TTLL7: variants seen among roughly 807,000 people sequenced by gnomAD.
The protein encoded by TTLL7 is tubulin tyrosine ligase like 7.
A neutral mutation model predicts 120.2 loss-of-function variants in TTLL7; 53 were observed. The ratio of observed to expected loss-of-function variants is 0.44; its 90% CI spans 0.35 to 0.55. The LOEUF (loss-of-function observed/expected upper bound fraction) is 0.55, where lower values mean the gene tolerates loss of function less well. Ranked by LOEUF, TTLL7 falls within the 20% of genes least tolerant of loss-of-function variation. TTLL7 has a pLI of 0.00. For missense variants in TTLL7, 803 were observed against 1,054.7 expected (o/e 0.76, Z 3.31); for synonymous variants, 353 against 351.7 (o/e 1.00, Z -0.04).
intron 7 of TTLL7, among the ~76,000 whole-genome samples, chr1:83,940,018 A>C (rs924222555): frequency 3.9e-5 from 6 of 152,122 alleles, no homozygotes; most frequent in African/African-American, 1.4e-4. Context: ...AAATTCAATC[A>C]TGAAATTCTA....
intron 9 of TTLL7, among the ~76,000 whole-genome samples, chr1:83,930,089 G>A (rs559568838): frequency 1.3e-5 from 2 of 152,048 alleles, no homozygotes; most frequent in Non-Finnish European, 2.9e-5. Flanking sequence ...CAGGTTCACC[G>A]CAGAAAAATA....
chr1:83,987,099 T>G (rs1652532370), intron 1 of TTLL7, among the ~76,000 whole-genome samples: 1 of 151,828 alleles, frequency 6.6e-6, no homozygotes, highest in Non-Finnish European at 1.5e-5. Flanking sequence ...GAAATGAAAA[T>G]TTAAAACATA....
rs1045455935 is a variant in TTLL7 at position 83,929,140 on chromosome 1, T to C, written c.1138A>G (p.Ile380Val). 3 of 1,604,924 alleles carry C rather than the reference T, an allele frequency of 1.9e-6. No homozygotes were observed. The highest frequency in any genetic ancestry group is 2.2e-5 in the South Asian group (2 of 90,398). ...VLLNALKLLN[I>V]RTSDKRRNLA... The stretch of plus-strand genomic sequence containing the variant: ...AAGATAGAGAGAGTATTTTACCTTA[T>C]GTTTAGTAGCTTCAACGCATTTAGC... The change falls in exon 10 of 21, where the codon ATA (isoleucine) becomes GTA (valine). Residue 380 changes from isoleucine to valine, a missense_variant. Ile to Val is a conservative substitution (Grantham distance 29). This residue lies in a region of TTLL7 where 324 missense variants were observed against 507.7 expected (regional missense o/e 0.64). Coordinates refer to ENST00000260505, the MANE Select transcript of TTLL7 (RefSeq NM_024686.6).
At chr1:83,907,797 A>C (rs1657331086) in intron 15 of TTLL7, 136 bp from the exon 16 acceptor site, 2 of 738,750 alleles carry the variant, frequency 2.7e-6, no homozygotes, top group African/African-American at 3.5e-5. Context: ...AGGCATCATC[A>C]TGAGAATATG....
At chr1:83,904,625 A>G (rs930335073) in intron 17 of TTLL7, among the ~76,000 whole-genome samples, 1 of 152,078 alleles carries the variant, frequency 6.6e-6, no homozygotes, top group Admixed American at 6.6e-5. Context: ...ACAGAATGAG[A>G]CTCTGTCTCA....
chr1:83,927,979 T>G (rs1269370228), intron 10 of TTLL7, among the ~76,000 whole-genome samples: 1 of 152,188 alleles, frequency 6.6e-6, no homozygotes, highest in African/African-American at 2.4e-5. Flanking sequence ...CTAAATTCTC[T>G]GTGGAACAAC....
At chr1:83,989,490 T>A (rs190660478) in intron 1 of TTLL7, among the ~76,000 whole-genome samples, 67 of 152,250 alleles carry the variant, frequency 4.4e-4, no homozygotes, top group African/African-American at 1.5e-3. Context: ...ATTTCTGGAT[T>A]CTCTATTCTA....
At chr1:83,885,552 T>C (rs1023000608) in intron 19 of TTLL7, among the ~76,000 whole-genome samples, 7 of 152,046 alleles carry the variant, frequency 4.6e-5, no homozygotes, top group Non-Finnish European at 5.9e-5. Context: ...CCTATACATA[T>C]TTAGTTCTGG....
At chr1:83,925,500 AG>A (rs1353547588) in intron 10 of TTLL7, among the ~76,000 whole-genome samples, 3 of 152,214 alleles carry the variant, frequency 2.0e-5, no homozygotes, top group Non-Finnish European at 4.4e-5. Flanking sequence ...TAGTGCTGGA[AG>A]CAGGAAGGAA....
chr1:83,940,423 C>T (rs906936241), intron 7 of TTLL7, among the ~76,000 whole-genome samples: 2 of 152,144 alleles, frequency 1.3e-5, no homozygotes, highest in African/African-American at 4.8e-5. Context: ...TACTGTACAA[C>T]CAAATGCCTA....
intron 12 of TTLL7, 64 bp from the exon 13 acceptor site, chr1:83,919,898 C>T (rs1195148584): frequency 6.7e-7 from 1 of 1,497,198 alleles, no homozygotes; most frequent in African/African-American, 1.4e-5. Flanking sequence ...TAGTTAACAT[C>T]AACTCCATAG....
intron 6 of TTLL7, among the ~76,000 whole-genome samples, chr1:83,945,674 T>C (rs1207031191): frequency 1.3e-5 from 2 of 152,156 alleles, no homozygotes; most frequent in African/African-American, 4.8e-5. Flanking sequence ...AGTTATCTGC[T>C]TTTCCAGCTA....
chr1:83,988,588 C>A (rs964896346), intron 1 of TTLL7, among the ~76,000 whole-genome samples: 1 of 152,218 alleles, frequency 6.6e-6, no homozygotes, highest in East Asian at 1.9e-4. Flanking sequence ...CTGACTGATG[C>A]GAGATGGTAT....
At chr1:83,992,742 C>T (rs1459113280) in intron 1 of TTLL7, among the ~76,000 whole-genome samples, 1 of 151,456 alleles carries the variant, frequency 6.6e-6, no homozygotes, top group Non-Finnish European at 1.5e-5. Context: ...TGAAAATGCC[C>T]CCATCTGGTT....
chr1:83,989,074 T>C (rs1346325375), intron 1 of TTLL7, among the ~76,000 whole-genome samples: 1 of 152,216 alleles, frequency 6.6e-6, no homozygotes, highest in African/African-American at 2.4e-5. Context: ...AGATTCTGGA[T>C]ATTAGACCTT....
At chr1:83,942,704 A>C in intron 6 of TTLL7, 25 bp from the exon 7 acceptor site, 1 of 1,550,890 alleles carries the variant, frequency 6.4e-7, no homozygotes, top group Non-Finnish European at 8.8e-7. Context: ...AAAAATTAAA[A>C]GAATGATTTG....
At chr1:83,988,130 G>C (rs1403428581) in intron 1 of TTLL7, among the ~76,000 whole-genome samples, 3 of 152,172 alleles carry the variant, frequency 2.0e-5, no homozygotes, top group African/African-American at 7.2e-5. Flanking sequence ...GTGAGAACAT[G>C]CAGTATTTGG....
chr1:83,976,374 T>C, intron 1 of TTLL7, among the ~76,000 whole-genome samples: 1 of 152,068 alleles, frequency 6.6e-6, no homozygotes, highest in East Asian at 1.9e-4. Flanking sequence ...TATCATATAT[T>C]TTAAAGTGTT....
intron 20 of TTLL7, among the ~76,000 whole-genome samples, chr1:83,876,309 CTA>C (rs1325866027): frequency 6.6e-6 from 1 of 151,826 alleles, no homozygotes; most frequent in Non-Finnish European, 1.5e-5. Flanking sequence ...CAATATTATA[CTA>C]TCTTAAATTA....
Sources: gnomAD v4.1 joint callset for allele counts (sites outside exome capture counted in the v4.1 genomes callset) on GRCh38, gnomAD v4.1.1 for gene constraint, gnomAD v4.1.1 regional missense constraint, MANE v1.5 for transcripts, NCBI Gene and HGNC (gene_info 2026-07-23, HGNC 2026-07-21) for gene names.